Variants in HYDIN observed in about 807,000 individuals in gnomAD.
The protein encoded by HYDIN is HYDIN axonemal central pair apparatus protein.
HYDIN carries 132 observed loss-of-function variants against 403.9 expected under a neutral mutation model. That is an observed-to-expected ratio of 0.33 (90% CI 0.28 to 0.38). HYDIN has a LOEUF of 0.38. Among genes scored for constraint, HYDIN ranks in the 10% least tolerant of loss-of-function variants. HYDIN has a pLI of 1.00. For synonymous variants in HYDIN, 1,202 were observed against 1,891.7 expected, an observed-to-expected ratio of 0.64 and a Z score of 9.46; for missense variants, 2,827 against 5,009.5, an observed-to-expected ratio of 0.56 and a Z score of 13.15.
chr16:70,825,673 A>C (rs1233957935), intron 83 of HYDIN, among the ~76,000 whole-genome samples: 6 of 147,384 alleles, frequency 4.1e-5, no homozygotes, highest in Middle Eastern at 6.4e-3. Flanking sequence ...AATCCCTAAA[A>C]CCCTATAACC....
In HYDIN at chr16:71,115,721, T is replaced by G. The variant is rs1163010181; in HGVS notation, c.1302A>C (p.Gln434His). 1 of 982,476 alleles carries G rather than the reference T, an allele frequency of 1.0e-6. No homozygotes were observed. The allele number at this position is 982,476 out of a possible 1,614,324, so 60.9% of individuals were successfully genotyped here. ...CTAAAATGTCGCAGTAAATGGTCTG[T>G]TGATAGAGCTTGGCTTCTAGTGGGT... ...YFNPLEAKLYQQTIYCDILGR... is the reference protein window; with the variant it reads ...YFNPLEAKLYHQTIYCDILGR... Residue 434 changes from glutamine (Q) to histidine (H), a missense_variant, in exon 10 of 86, where the codon CAA becomes CAC. By Grantham distance (24) the Gln-to-His change is conservative (BLOSUM62 0). Coordinates refer to ENST00000393567, the MANE Select transcript of HYDIN (RefSeq NM_001270974.2).
chr16:70,830,051 C>T (rs1018028542), intron 80 of HYDIN, among the ~76,000 whole-genome samples: 30 of 152,090 alleles, frequency 2.0e-4, no homozygotes, highest in African/African-American at 4.1e-4. Flanking sequence ...TAGCAATGAA[C>T]GAAATAACAA....
At chr16:71,219,148 T>C (rs1313703107) in intron 1 of HYDIN, among the ~76,000 whole-genome samples, 8 of 152,176 alleles carry the variant, frequency 5.3e-5, no homozygotes, top group Non-Finnish European at 1.5e-5. Flanking sequence ...AACATAGTTG[T>C]ACAGAACATA....
At chr16:71,191,181 C>G (rs1345844216) in intron 1 of HYDIN, among the ~76,000 whole-genome samples, 1 of 152,152 alleles carries the variant, frequency 6.6e-6, no homozygotes, top group Non-Finnish European at 1.5e-5. Flanking sequence ...TCCTATCAAA[C>G]TATACCCATT....
Position 70,804,897 on chromosome 16 carries a change from G to C in HYDIN, c.*2683C>G, listed in dbSNP as rs894023131. Among the ~76,000 whole-genome samples the C allele has an allele frequency of 2.6e-5, 4 of 152,220 alleles. No individual in the cohort carries two copies. The highest frequency in any genetic ancestry group is 6.5e-5 in the Admixed American group (1 of 15,286). ...GAAGCACTGGAACAGGTCTGAAGTT[G>C]GGGGAGTTGCCCCTAGCCACCCCAA... On this transcript the variant is annotated 3_prime_UTR_variant, in exon 86 of 86. Transcript: ENST00000393567.
chr16:71,098,293 C>T lies in HYDIN; in HGVS notation c.1328-4358G>A, dbSNP rs556368080. Reference sequence around the variant, plus strand: ...CTCGGCTCACTGCAAGCTCCGCCTCCCAGGTTCACGCCATTCTCCTGCCTC... The same window carrying T: ...CTCGGCTCACTGCAAGCTCCGCCTCTCAGGTTCACGCCATTCTCCTGCCTC... On this transcript the variant is annotated intron_variant, in intron 10 of 85. Transcript: ENST00000393567. Among the ~76,000 whole-genome samples, 248 of 151,642 alleles carry T rather than the reference C, an allele frequency of 1.6e-3. 1 individual carries two copies. Among genetic ancestry groups the T allele is most frequent in the South Asian group, 7.4e-3 (35 of 4,748 alleles).
intron 29 of HYDIN, 130 bp from the exon 30 acceptor site, chr16:70,979,171 T>C: frequency 1.7e-6 from 2 of 1,150,706 alleles, no homozygotes; most frequent in Non-Finnish European, 2.4e-6. Context: ...TTTTGGATAC[T>C]TTGTCTGCCC....
intron 14 of HYDIN, among the ~76,000 whole-genome samples, chr16:71,067,823 TG>T (rs2082326850): frequency 6.6e-6 from 1 of 152,020 alleles, no homozygotes. Flanking sequence ...GAAATAACCA[TG>T]TCAGTTCCAG....
chr16:71,110,474 TAA>T (rs2083784912), intron 10 of HYDIN, among the ~76,000 whole-genome samples: 1 of 142,280 alleles, frequency 7.0e-6, no homozygotes, highest in African/African-American at 2.6e-5. Flanking sequence ...TAAACATATA[TAA>T]ATATATATAA....
At chr16:70,823,588 T>A (rs1179047338) in intron 83 of HYDIN, among the ~76,000 whole-genome samples, 1 of 149,790 alleles carries the variant, frequency 6.7e-6, no homozygotes, top group Non-Finnish European at 1.5e-5. Context: ...GCAATCTCTT[T>A]CCTTTGGCTG....
chr16:70,925,279 G>A (rs2077114315), intron 45 of HYDIN, among the ~76,000 whole-genome samples: 1 of 152,228 alleles, frequency 6.6e-6, no homozygotes, highest in African/African-American at 2.4e-5. Flanking sequence ...GAGGCCAGCA[G>A]TCCTAGACCA....
chr16:71,114,337 T>A (rs1303617122), intron 10 of HYDIN, among the ~76,000 whole-genome samples: 27 of 148,664 alleles, frequency 1.8e-4, no homozygotes, highest in Non-Finnish European at 8.9e-5. Context: ...ATTATTTTGA[T>A]TCTTGACTCA....
Position 70,834,150 on chromosome 16 carries a change from C to T in HYDIN, c.13416G>A (p.Ala4472=), listed in dbSNP as rs532994458. The T allele has an allele frequency of 4.3e-5, 70 of 1,613,808 alleles. No individual in the cohort carries two copies. The highest frequency in any genetic ancestry group is 3.3e-4 in the East Asian group (15 of 44,854). ...ELQEPKVLTL[A]PFHNITLKPK... ...GCTTCAGTGTGATGTTGTGGAAGGGCGCCAGGGTAAGGACCTGAATGAAAT... is the reference window on the plus strand; with the variant it reads ...GCTTCAGTGTGATGTTGTGGAAGGGTGCCAGGGTAAGGACCTGAATGAAAT... The change falls in exon 79 of 86, where the codon GCG becomes GCA. Residue 4472 remains alanine, a synonymous_variant. Transcript: ENST00000393567.
chr16:70,977,044 G>A (rs562997924), intron 30 of HYDIN, among the ~76,000 whole-genome samples: 44 of 152,322 alleles, frequency 2.9e-4, no homozygotes, highest in Admixed American at 1.7e-3. Flanking sequence ...CCTACTCAAG[G>A]GAACCAGCTT....
chr16:71,225,981 A>G (rs577364178), intron 1 of HYDIN, among the ~76,000 whole-genome samples: 4 of 152,338 alleles, frequency 2.6e-5, no homozygotes, highest in South Asian at 4.1e-4. Flanking sequence ...TAAGATGCCA[A>G]TTCTCCCCAA....
At chr16:71,078,820 G>A (rs1006597418) in intron 13 of HYDIN, among the ~76,000 whole-genome samples, 5 of 152,254 alleles carry the variant, frequency 3.3e-5, no homozygotes, top group Admixed American at 2.0e-4. Flanking sequence ...CTTAATTGAT[G>A]TTGCCCAGAT....
In HYDIN at chr16:70,863,117, T is replaced by C. The variant is rs2039513443; in HGVS notation, c.11537A>G (p.Lys3846Arg). 1 of 1,614,050 alleles carries C rather than the reference T, an allele frequency of 6.2e-7. No individual in the cohort carries two copies. Among genetic ancestry groups the C allele is most frequent in the Non-Finnish European group, 8.5e-7 (1 of 1,180,006 alleles). ...ATCTGGTTTTGCAAAGCTGACTGCC[T>C]TTGAGGTATCTTCTGAGACCCAGCT... ...EFSWVSEDTS[K>R]AVSFAKPDHQ... The change falls in exon 68 of 86, where the codon AAG (lysine) becomes AGG (arginine). Residue 3846 changes from lysine to arginine, a missense_variant. Physicochemically the swap from Lys to Arg is conservative, Grantham distance 26 (BLOSUM62 2). Transcript: ENST00000393567.
chr16:70,922,599 G>C (rs1350483923), intron 45 of HYDIN, among the ~76,000 whole-genome samples: 2 of 151,794 alleles, frequency 1.3e-5, no homozygotes, highest in Non-Finnish European at 2.9e-5. Flanking sequence ...AAAAGAGAAG[G>C]CAAAATGAAG....
chr16:70,908,099 G>A (rs2076585630), intron 49 of HYDIN, among the ~76,000 whole-genome samples, 153 bp downstream of exon 49: 1 of 152,128 alleles, frequency 6.6e-6, no homozygotes, highest in African/African-American at 2.4e-5. Context: ...GTGGCTCTTG[G>A]TCAATATTCA....
Sources: gnomAD v4.1 joint callset for allele counts (sites outside exome capture counted in the v4.1 genomes callset) on GRCh38, gnomAD v4.1.1 for gene constraint, MANE v1.5 for transcripts, NCBI Gene and HGNC (gene_info 2026-07-23, HGNC 2026-07-21) for gene names.